Variants in CRPPA observed in about 807,000 individuals in gnomAD.
CRPPA encodes D-ribitol-5-phosphate cytidylyltransferase.
A neutral mutation model predicts 52.0 loss-of-function variants in CRPPA; 43 were observed. That is an observed-to-expected ratio of 0.83 (90% confidence interval 0.65 to 1.07). CRPPA has a LOEUF of 1.07. Among genes scored for constraint, CRPPA ranks in the 50% least tolerant of loss-of-function variants. The pLI, the probability that CRPPA is intolerant of heterozygous loss-of-function variation, is 0.00. For synonymous variants in CRPPA, 250 were observed against 203.5 expected (o/e 1.23, Z -1.94); for missense variants, 629 against 551.7 (o/e 1.14, Z -1.40).
chr7:16,342,782 A>AAAAAAAAAAAAAATATATAT (rs1554335212), intron 3 of CRPPA, among the ~76,000 whole-genome samples: 2 of 76,540 alleles, frequency 2.6e-5, no homozygotes, highest in African/African-American at 9.7e-5. Context: ...AAAAAAAAAA[A>AAAAAAAAAAAAAATATATAT]ATATATATAT....
chr7:16,324,237 G>C (rs1785327472), intron 3 of CRPPA, among the ~76,000 whole-genome samples: 1 of 152,266 alleles, frequency 6.6e-6, no homozygotes, highest in Non-Finnish European at 1.5e-5. Flanking sequence ...GCTAAGATGT[G>C]GTCCCCTAGT....
At position 16,216,165 on chromosome 7, in the gene CRPPA, G is replaced by C; in HGVS notation, c.1152C>G (p.Pro384=). 1 of 1,586,490 alleles carries C rather than the reference G, an allele frequency of 6.3e-7. No individual in the cohort carries two copies. Among genetic ancestry groups the C allele is most frequent in the Non-Finnish European group, 8.6e-7 (1 of 1,160,088 alleles). ...VHFLDFKLVP[P]SQKMENLMQI... Reference sequence around the variant, plus strand: ...GCATTAGGTTTTCCATTTTCTGACTGGGAGGTACTAATTTAAAATCAAGAA... The same window carrying C: ...GCATTAGGTTTTCCATTTTCTGACTCGGAGGTACTAATTTAAAATCAAGAA... Residue 384 remains proline (P), a synonymous_variant, in exon 9 of 10, where the codon CCC becomes CCG. Coordinates refer to ENST00000407010, the MANE Select transcript of CRPPA (RefSeq NM_001101426.4).
intron 9 of CRPPA, among the ~76,000 whole-genome samples, chr7:16,106,782 T>A (rs577022833): frequency 6.6e-6 from 1 of 152,078 alleles, no homozygotes; most frequent in Non-Finnish European, 1.5e-5. Context: ...AAAGCCCCAA[T>A]AGTCTACCTC....
At chr7:16,365,749 A>T (rs988579403) in intron 3 of CRPPA, among the ~76,000 whole-genome samples, 3 of 152,210 alleles carry the variant, frequency 2.0e-5, no homozygotes, top group Non-Finnish European at 4.4e-5. Flanking sequence ...AACTTAAACA[A>T]GACCTTCAAC....
intron 3 of CRPPA, among the ~76,000 whole-genome samples, chr7:16,358,096 C>T (rs1459606214): frequency 6.6e-6 from 1 of 152,130 alleles, no homozygotes; most frequent in Admixed American, 6.5e-5. Flanking sequence ...AGGAAAATCT[C>T]CATGAGGGTT....
chr7:16,107,787 C>A (rs191465127), intron 9 of CRPPA, among the ~76,000 whole-genome samples: 1 of 151,936 alleles, frequency 6.6e-6, no homozygotes, highest in African/African-American at 2.4e-5. Flanking sequence ...TAAAAAAACA[C>A]TACTAATAAA....
At chr7:16,394,017 T>A (rs78695852) in intron 2 of CRPPA, among the ~76,000 whole-genome samples, 3,003 of 152,164 alleles carry the variant, frequency 0.02, 96 homozygotes, top group African/African-American at 0.069. Flanking sequence ...TGGAGGAAAG[T>A]CTAACTATAT....
intron 3 of CRPPA, among the ~76,000 whole-genome samples, chr7:16,358,226 G>T (rs1256898541): frequency 6.6e-6 from 1 of 152,022 alleles, no homozygotes; most frequent in African/African-American, 2.4e-5. Context: ...AGCCAGCAGG[G>T]ATGGAAACAT....
Position 16,155,323 on chromosome 7 carries a change from C to A in CRPPA, c.1251+60743G>T, listed in dbSNP as rs1783157352. Among the ~76,000 whole-genome samples, 5 of 152,194 alleles carry A rather than the reference C, an allele frequency of 3.3e-5. No homozygotes were observed. In the South Asian group the frequency reaches 1.0e-3, roughly 32 times the overall value. On this transcript the variant is annotated intron_variant, in intron 9 of 9. Transcript: ENST00000407010. ...AAGCAAGAGATCAGTGGGCTGACAT[C>A]ACTGAACAGGCTACACACTGGTTCA...
At chr7:16,260,741 C>G (rs1487387636) in intron 6 of CRPPA, among the ~76,000 whole-genome samples, 6 of 151,706 alleles carry the variant, frequency 4.0e-5, no homozygotes, top group Non-Finnish European at 8.8e-5. Context: ...AAAAATCTTA[C>G]TTTAAAATTT....
chr7:16,275,020 G>C (rs1784171258), intron 6 of CRPPA, among the ~76,000 whole-genome samples: 1 of 152,112 alleles, frequency 6.6e-6, no homozygotes. Flanking sequence ...AGGTTGTGGT[G>C]AGCTGAGACC....
intron 2 of CRPPA, among the ~76,000 whole-genome samples, chr7:16,397,852 TCAC>T (rs1364314671): frequency 6.6e-6 from 1 of 152,064 alleles, no homozygotes; most frequent in African/African-American, 2.4e-5. Flanking sequence ...CACGTAATCA[TCAC>T]GTGATCAACA....
At chr7:16,156,294 AG>A (rs908078473) in intron 9 of CRPPA, among the ~76,000 whole-genome samples, 2 of 152,272 alleles carry the variant, frequency 1.3e-5, no homozygotes, top group African/African-American at 4.8e-5. Context: ...GACTTTCTCA[AG>A]TTTTGGCCAC....
chr7:16,168,539 ACAC>A (rs1781114220), intron 9 of CRPPA, among the ~76,000 whole-genome samples: 3 of 31,912 alleles, frequency 9.4e-5, no homozygotes, highest in Non-Finnish European at 2.6e-4. Context: ...AGTAAAACAC[ACAC>A]ACACACACAC....
chr7:16,118,359 T>A (rs1489212426), intron 9 of CRPPA, among the ~76,000 whole-genome samples: 1 of 152,144 alleles, frequency 6.6e-6, no homozygotes, highest in Non-Finnish European at 1.5e-5. Context: ...GGACATACTG[T>A]GCCTGCACTG....
chr7:16,190,468 G>C (rs973267589), intron 9 of CRPPA, among the ~76,000 whole-genome samples: 1 of 152,134 alleles, frequency 6.6e-6, no homozygotes, highest in African/African-American at 2.4e-5. Context: ...TTCATCAATA[G>C]ATTTATTCCA....
chr7:16,111,241 C>T (rs1782258100), intron 9 of CRPPA, among the ~76,000 whole-genome samples: 2 of 152,006 alleles, frequency 1.3e-5, no homozygotes, highest in Non-Finnish European at 2.9e-5. Flanking sequence ...TCATCTCACA[C>T]CTGTCAGAAT....
chr7:16,092,761 C>A (rs146207102), intron 9 of CRPPA, among the ~76,000 whole-genome samples: 2 of 152,152 alleles, frequency 1.3e-5, no homozygotes, highest in East Asian at 1.9e-4. Context: ...TACTTTTAAA[C>A]CTCAGGATAA....
rs1240072843 is a variant in CRPPA, at chr7:16,278,138, AC to A, written c.923del (p.Ser308MetfsTer3). ...GTCTTTGAATACTTACATTTAATTC[AC>A]TTTTCAGCACTTCTTCAAGAAGATG... ...VGHLLEEVLK[S>X]ELNHVKVTSE... On this transcript the variant is annotated frameshift_variant, in exon 6 of 10. Coordinates refer to ENST00000407010, the MANE Select transcript of CRPPA (RefSeq NM_001101426.4). LOFTEE classifies it high-confidence loss of function. The A allele has an allele frequency of 6.6e-7, 1 of 1,523,732 alleles. No individual in the cohort carries two copies. Among genetic ancestry groups the A allele is most frequent in the Non-Finnish European group, 9.0e-7 (1 of 1,107,744 alleles). The allele number at this position is 1,523,732 out of a possible 1,614,324, so 94.4% of individuals were successfully genotyped here.
Sources: allele counts gnomAD v4.1 joint callset (sites outside exome capture counted in the v4.1 genomes callset), GRCh38; gene constraint gnomAD v4.1.1; transcripts MANE v1.5; gene names NCBI Gene and HGNC (gene_info 2026-07-23, HGNC 2026-07-21).